Variants in MTSS2 observed in about 807,000 individuals in gnomAD.
The protein encoded by MTSS2 is protein MTSS 2.
A neutral mutation model predicts 67.1 loss-of-function variants in MTSS2; 27 were observed. The observed-to-expected ratio is 0.40, with a 90% CI of 0.30 to 0.55. MTSS2 has a LOEUF of 0.55. Ranked by LOEUF, MTSS2 falls within the 20% of genes least tolerant of loss-of-function variation. The pLI, the probability that MTSS2 is intolerant of heterozygous loss-of-function variation, is 0.43. For missense variants in MTSS2, 1,171 were observed against 1,067.8 expected, an observed-to-expected ratio of 1.10 and a Z score of -1.35; for synonymous variants, 624 against 468.6, an observed-to-expected ratio of 1.33 and a Z score of -4.28.
At chr16:70,676,330 C>A (rs1291016708) in intron 10 of MTSS2, among the ~76,000 whole-genome samples, 1 of 152,232 alleles carries the variant, frequency 6.6e-6, no homozygotes, top group Admixed American at 6.5e-5. Context: ...TAGCCTGGGC[C>A]AAGGCTCCAA....
intron 12 of MTSS2, 149 bp from the exon 13 acceptor site, chr16:70,665,245 G>T: frequency 9.8e-7 from 1 of 1,018,900 alleles, no homozygotes; most frequent in Non-Finnish European, 1.4e-6. Flanking sequence ...CATGGAGTGT[G>T]ACTGTGGCCC....
chr16:70,666,765 A>G (rs901366936), intron 11 of MTSS2, among the ~76,000 whole-genome samples: 7 of 152,246 alleles, frequency 4.6e-5, no homozygotes, highest in Admixed American at 2.6e-4. Context: ...ACTCAGTGAA[A>G]AAGTTCAACA....
intron 1 of MTSS2, 84 bp downstream of exon 1, chr16:70,685,639 C>T (rs1456366390): frequency 2.4e-6 from 2 of 841,152 alleles, no homozygotes. Context: ...CGCGGCCACA[C>T]GAGGCTCGGC....
intron 7 of MTSS2, among the ~76,000 whole-genome samples, chr16:70,678,864 G>A (rs1285192126): frequency 1.3e-5 from 2 of 152,152 alleles, no homozygotes; most frequent in Non-Finnish European, 2.9e-5. Flanking sequence ...CTAGGGCTGG[G>A]CCTTGGAGGC....
At chr16:70,667,584 C>G (rs1483402334) in intron 11 of MTSS2, among the ~76,000 whole-genome samples, 1 of 151,856 alleles carries the variant, frequency 6.6e-6, no homozygotes, top group East Asian at 1.9e-4. Context: ...ACAAAAACTA[C>G]AGAACAAGCT....
chr16:70,669,641 C>A (rs1399806905), intron 11 of MTSS2, among the ~76,000 whole-genome samples: 2 of 151,970 alleles, frequency 1.3e-5, no homozygotes, highest in African/African-American at 4.8e-5. Flanking sequence ...CATGGTGAAA[C>A]CCCGTCTCTA....
At position 70,663,740 on chromosome 16, in the gene MTSS2, G is replaced by C; in HGVS notation, c.2181C>G (p.Ile727Met). Residue 727 changes from isoleucine to methionine, a missense_variant, in exon 15 of 15, where the codon ATC becomes ATG. Physicochemically the swap from Ile to Met is conservative, Grantham distance 10 (BLOSUM62 1). Coordinates refer to ENST00000338779, the MANE Select transcript of MTSS2 (RefSeq NM_138383.3). ...DPPAEDMLVA[I>M]RRGVRLRRTV... ...TCCTGCGGAGCCGGACCCCACGCCGGATGGCCACCAGCATGTCTTCGGCCG... is the reference window on the plus strand; with the variant it reads ...TCCTGCGGAGCCGGACCCCACGCCGCATGGCCACCAGCATGTCTTCGGCCG... The C allele has an allele frequency of 3.2e-6, 5 of 1,575,528 alleles. No homozygotes were observed. The highest frequency in any genetic ancestry group is 4.3e-6 in the Non-Finnish European group (5 of 1,163,454).
chr16:70,669,506 G>A (rs1398653766), intron 11 of MTSS2, among the ~76,000 whole-genome samples: 1 of 151,842 alleles, frequency 6.6e-6, no homozygotes, highest in Admixed American at 6.6e-5. Context: ...AACATAGCAA[G>A]ACCCTATCTC....
At chr16:70,672,172 A>T (rs1482691946) in intron 11 of MTSS2, among the ~76,000 whole-genome samples, 2 of 152,040 alleles carry the variant, frequency 1.3e-5, no homozygotes, top group African/African-American at 4.8e-5. Flanking sequence ...ACACGGTGAA[A>T]CCCCGTCTCT....
Position 70,678,042 on chromosome 16 carries a change from G to A in MTSS2, c.625-143C>T, listed in dbSNP as rs1597821122. 4.1e-6 allele frequency: 4 copies of A among 964,334 alleles called. No homozygotes were observed. In the East Asian group the frequency reaches 7.8e-5, roughly 19 times the overall value. 59.7% of individuals were successfully genotyped at this position (964,334 alleles called of 1,614,324 possible). A position where few individuals can be genotyped will look rare whatever the true frequency, so the allele number is the denominator to read the frequency against. ...CCAATGCTGCTCGGGGCTGGTGCAG[G>A]TGGGGCCCACACAGCCCAGAGGGCT... On this transcript the variant is annotated intron_variant, in intron 8 of 14. Coordinates refer to ENST00000338779, the MANE Select transcript of MTSS2 (RefSeq NM_138383.3).
rs1448000003 is a variant in MTSS2 at position 70,661,597 on chromosome 16, G to C, written c.*2080C>G. The C allele has an allele frequency of 2.8e-6, 1 of 353,082 alleles. No individual in the cohort carries two copies. Among genetic ancestry groups the C allele is most frequent in the Non-Finnish European group, 5.5e-6 (1 of 180,872 alleles). 21.9% of individuals were successfully genotyped at this position (353,082 alleles called of 1,614,324 possible). ...TGGGATGGTTGGCTCGGATCCCGAG[G>C]TGGGTGGGCCTATGAGGTGGTTGCT... On this transcript the variant is annotated 3_prime_UTR_variant, in exon 15 of 15. Coordinates refer to ENST00000338779, the MANE Select transcript of MTSS2 (RefSeq NM_138383.3).
At chr16:70,685,406 G>C (rs879266019) in intron 1 of MTSS2, among the ~76,000 whole-genome samples, 20 of 152,224 alleles carry the variant, frequency 1.3e-4, no homozygotes, top group African/African-American at 2.4e-4. Flanking sequence ...AAGGGCCCTA[G>C]AGTCGGTCCT....
At chr16:70,671,912 G>A (rs745599460) in intron 11 of MTSS2, among the ~76,000 whole-genome samples, 1 of 152,190 alleles carries the variant, frequency 6.6e-6, no homozygotes, top group Non-Finnish European at 1.5e-5. Context: ...AAAGGCATCA[G>A]ACAAAGCCAG....
rs555814974 is a variant in MTSS2, at chr16:70,675,023, G to C, written c.831-495C>G. Among the ~76,000 whole-genome samples the C allele has an allele frequency of 7.2e-5, 11 of 152,066 alleles. No homozygotes were observed. In the South Asian group the frequency reaches 2.3e-3, roughly 32 times the overall value. ...AGCTACTTGGCAGGCTGAGGCACGA[G>C]AATCACTTGAACCTGGGAGGCGGAG... On this transcript the variant is annotated intron_variant, in intron 10 of 14. Transcript: ENST00000338779.
At chr16:70,664,791 C>T in intron 13 of MTSS2, 28 bp from the exon 14 acceptor site, 2 of 1,579,786 alleles carry the variant, frequency 1.3e-6, no homozygotes, top group Middle Eastern at 1.7e-4. Flanking sequence ...CAGGCTGAAG[C>T]CTTGCGCCCC....
In MTSS2 at chr16:70,680,830, A is replaced by T; in HGVS notation, c.169T>A (p.Phe57Ile). The T allele has an allele frequency of 6.5e-7, 1 of 1,548,474 alleles. No individual in the cohort carries two copies. Among genetic ancestry groups the T allele is most frequent in the South Asian group, 1.2e-5 (1 of 84,558 alleles). Reference protein sequence around the residue: ...VLAAVAFLDAFQKVADMATNT... With the variant: ...VLAAVAFLDAIQKVADMATNT... The stretch of plus-strand genomic sequence containing the variant: ...GTAGCCATGTCAGCCACTTTCTGGA[A>T]GGCATCCAGGAAGGCCACAGCAGCC... The change falls in exon 3 of 15, where the codon TTC becomes ATC. Residue 57 changes from phenylalanine to isoleucine, a missense_variant. Phe to Ile is a conservative substitution (Grantham distance 21). Coordinates refer to ENST00000338779, the MANE Select transcript of MTSS2 (RefSeq NM_138383.3).
intron 3 of MTSS2, 46 bp from the exon 4 acceptor site, chr16:70,680,101 G>A: frequency 1.5e-6 from 2 of 1,340,780 alleles, no homozygotes; most frequent in Admixed American, 3.5e-5. Flanking sequence ...TGGGGCCTGC[G>A]CAGTCCCGGC....
In MTSS2 at chr16:70,678,982, G is replaced by T. The variant is rs79502308; in HGVS notation, c.466+333C>A. ...GAGAGAGGCGAGAGGATGATGCAGAGGAGATGATGAGATGGCAGGTGAGGA... is the reference window on the plus strand; with the variant it reads ...GAGAGAGGCGAGAGGATGATGCAGATGAGATGATGAGATGGCAGGTGAGGA... On this transcript the variant is annotated intron_variant, in intron 7 of 14. Transcript: ENST00000338779. Among the ~76,000 whole-genome samples, 334 of 152,368 alleles carry T rather than the reference G, an allele frequency of 2.2e-3. 1 individual carries two copies. The highest frequency in any genetic ancestry group is 3.7e-3 in the Non-Finnish European group (252 of 68,022).
Position 70,661,274 on chromosome 16 carries a change from T to C in MTSS2, c.*2403A>G, listed in dbSNP as rs1308445224. ...CATCTGTTACTTGTAGCAGTGACTATATTTAAATCGGGGAGGATGGTGTGG... is the reference window on the plus strand; with the variant it reads ...CATCTGTTACTTGTAGCAGTGACTACATTTAAATCGGGGAGGATGGTGTGG... On this transcript the variant is annotated 3_prime_UTR_variant, in exon 15 of 15. Transcript: ENST00000338779. 1 of 455,124 alleles carries C rather than the reference T, an allele frequency of 2.2e-6. No homozygotes were observed. Among genetic ancestry groups the C allele is most frequent in the Non-Finnish European group, 4.4e-6 (1 of 226,678 alleles). 28.2% of individuals were successfully genotyped at this position (455,124 alleles called of 1,614,324 possible). A position where few individuals can be genotyped will look rare whatever the true frequency, so the allele number is the denominator to read the frequency against.
Sources: allele counts gnomAD v4.1 joint callset (sites outside exome capture counted in the v4.1 genomes callset), GRCh38; gene constraint gnomAD v4.1.1; transcripts MANE v1.5; gene names NCBI Gene and HGNC (gene_info 2026-07-23, HGNC 2026-07-21).